Variants in ARID2 observed in about 807,000 individuals in gnomAD.
ARID2 encodes AT-rich interaction domain 2.
ARID2 carries 32 observed loss-of-function variants against 184.6 expected under a neutral mutation model. That is an observed-to-expected ratio of 0.17 (90% CI 0.13 to 0.23). The LOEUF is 0.23. Ranked by LOEUF, ARID2 falls within the 10% of genes least tolerant of loss-of-function variation. The pLI is 1.00. For missense variants in ARID2, 1,696 were observed against 2,197.6 expected (o/e 0.77, Z 4.56); for synonymous variants, 836 against 772.6 (o/e 1.08, Z -1.36).
At chr12:45,889,096 C>T (rs903815678) in intron 16 of ARID2, among the ~76,000 whole-genome samples, 2 of 152,166 alleles carry the variant, frequency 1.3e-5, no homozygotes, top group Non-Finnish European at 2.9e-5. Flanking sequence ...GCAAAAGAAA[C>T]ACTTGAACTC....
chr12:45,778,121 C>T lies in ARID2; in HGVS notation c.285-33297C>T, dbSNP rs142490546. Among the ~76,000 whole-genome samples, 1,163 of 152,144 alleles carry T rather than the reference C, an allele frequency of 7.6e-3. 20 individuals carry two copies. The highest frequency in any genetic ancestry group is 0.026 in the African/African-American group (1,089 of 41,518). On this transcript the variant is annotated intron_variant, in intron 3 of 20. Transcript: ENST00000334344. Reference sequence around the variant, plus strand: ...CTCAGGGGGGCCGGGGCAGTGGAATCGCTTGAACCCGGGAGGCAGAGTTGC... The same window carrying T: ...CTCAGGGGGGCCGGGGCAGTGGAATTGCTTGAACCCGGGAGGCAGAGTTGC...
intron 3 of ARID2, among the ~76,000 whole-genome samples, chr12:45,770,279 C>G (rs1343415607): frequency 6.6e-6 from 1 of 151,864 alleles, no homozygotes; most frequent in East Asian, 1.9e-4. Flanking sequence ...AACAAGAAGG[C>G]AAAACAAAAA....
chr12:45,781,829 C>T (rs1486367039), intron 3 of ARID2, among the ~76,000 whole-genome samples: 1 of 152,134 alleles, frequency 6.6e-6, no homozygotes, highest in African/African-American at 2.4e-5. Context: ...GTGCTCTTAG[C>T]TAAAGGAACC....
chr12:45,890,261 A>G (rs899670355), intron 16 of ARID2, among the ~76,000 whole-genome samples: 3 of 152,246 alleles, frequency 2.0e-5, no homozygotes, highest in African/African-American at 7.2e-5. Flanking sequence ...AGGAAGTGCT[A>G]TCCTTTTTCC....
rs552181768 is a variant in ARID2 at position 45,761,254 on chromosome 12, G to A, written c.284+29940G>A. On this transcript the variant is annotated intron_variant, in intron 3 of 20. Coordinates refer to ENST00000334344, the MANE Select transcript of ARID2 (RefSeq NM_152641.4). ...CTTTCTTGAAATAGGGTGATGTGAT[G>A]TTTTAATTATTTATTCTTATGAATA... Among the ~76,000 whole-genome samples, 43 of 152,270 alleles carry A rather than the reference G, an allele frequency of 2.8e-4. 1 individual carries two copies. In the South Asian group the frequency reaches 8.1e-3, roughly 29 times the overall value.
At chr12:45,772,922 GAGTAGCAGAACACTATCCAAC>G (rs1941903821) in intron 3 of ARID2, among the ~76,000 whole-genome samples, 1 of 152,126 alleles carries the variant, frequency 6.6e-6, no homozygotes, top group Admixed American at 6.5e-5. Context: ...CACTATCCAA[GAGTAGCAGAACACTATCCAAC>G]AGTAGCAGAA....
chr12:45,764,938 T>C (rs1941744621), intron 3 of ARID2, among the ~76,000 whole-genome samples: 1 of 152,238 alleles, frequency 6.6e-6, no homozygotes, highest in African/African-American at 2.4e-5. Flanking sequence ...TTTTTGAGAA[T>C]GGCTGAACTA....
intron 11 of ARID2, 80 bp downstream of exon 11, chr12:45,839,576 G>A (rs2138138265): frequency 1.3e-6 from 2 of 1,483,378 alleles, no homozygotes; most frequent in South Asian, 1.4e-5. Context: ...TCAATGTGCA[G>A]TATAGAGAAC....
intron 3 of ARID2, among the ~76,000 whole-genome samples, chr12:45,751,750 T>C (rs150481314): frequency 1.3e-5 from 2 of 152,364 alleles, no homozygotes; most frequent in African/African-American, 4.8e-5. Context: ...TGCTACATAC[T>C]GAATACTGTA....
chr12:45,739,364 G>T (rs867731885), intron 3 of ARID2, among the ~76,000 whole-genome samples: 4 of 150,512 alleles, frequency 2.7e-5, no homozygotes, highest in African/African-American at 9.8e-5. Flanking sequence ...CATGTTCCAG[G>T]TGTGCTTGGC....
chr12:45,811,787 AT>A (rs1337978482), intron 4 of ARID2, among the ~76,000 whole-genome samples: 1 of 152,136 alleles, frequency 6.6e-6, no homozygotes, highest in Non-Finnish European at 1.5e-5. Flanking sequence ...CCAAGTAATG[AT>A]TTTTCCTTAT....
chr12:45,745,816 T>C (rs1348789749), intron 3 of ARID2, among the ~76,000 whole-genome samples: 1 of 152,162 alleles, frequency 6.6e-6, no homozygotes, highest in Non-Finnish European at 1.5e-5. Flanking sequence ...CCCAAAGTGC[T>C]GGGATTACAG....
chr12:45,901,146 T>C (rs1294883538), intron 20 of ARID2, among the ~76,000 whole-genome samples: 2 of 143,204 alleles, frequency 1.4e-5, no homozygotes, highest in Admixed American at 1.5e-4. Context: ...TTTTTGGAAA[T>C]TTCCTTAATT....
intron 16 of ARID2, among the ~76,000 whole-genome samples, chr12:45,863,468 G>A (rs1408967311): frequency 6.6e-6 from 1 of 152,062 alleles, no homozygotes; most frequent in Admixed American, 6.5e-5. Flanking sequence ...AGCCTGTAAT[G>A]CCAGCTACTC....
At chr12:45,812,201 T>C (rs1055263419) in intron 4 of ARID2, among the ~76,000 whole-genome samples, 1 of 151,198 alleles carries the variant, frequency 6.6e-6, no homozygotes, top group Non-Finnish European at 1.5e-5. Flanking sequence ...CACTAACATT[T>C]GGCCTAAAAA....
In ARID2 at chr12:45,860,881, C is replaced by T; in HGVS notation, c.4854C>T (p.Ser1618=). ...NSSQPSPFSG[S]SQPGDPMRKP... ...CTCAGCCTTCTCCATTCAGTGGATC[C>T]AGTCAGCCTGGAGATCCAATGAGAA... Residue 1618 remains serine, a synonymous_variant, in exon 16 of 21, where the codon TCC becomes TCT. Transcript: ENST00000334344. 6.2e-7 allele frequency: 1 copy of T among 1,605,258 alleles called. No individual in the cohort carries two copies. Among genetic ancestry groups the T allele is most frequent in the African/African-American group, 1.3e-5 (1 of 74,658 alleles).
chr12:45,730,178 T>C (rs768197665), intron 2 of ARID2, 41 bp downstream of exon 2: 2 of 1,599,258 alleles, frequency 1.3e-6, no homozygotes, highest in Non-Finnish European at 1.7e-6. Flanking sequence ...CTCGCTGGCC[T>C]CCTCCAAAAA....
chr12:45,842,370 C>T (rs1565618187), intron 11 of ARID2: 2 of 150,994 alleles, frequency 1.3e-5, no homozygotes, highest in East Asian at 3.9e-4. Flanking sequence ...TATACACACA[C>T]ATATATAAAA....
rs149160743 is a variant in ARID2 at position 45,779,161 on chromosome 12, C to A, written c.285-32257C>A. Among the ~76,000 whole-genome samples the A allele has an allele frequency of 5.5e-3, 829 of 151,978 alleles. 7 individuals are homozygous for A. The highest frequency in any genetic ancestry group is 0.019 in the African/African-American group (791 of 41,486). ...CTTGTTCATAAATGTATTTATAAAT[C>A]TGTAAATCTTTTATCTGTGTCTGAT... On this transcript the variant is annotated intron_variant, in intron 3 of 20. Transcript: ENST00000334344.
Sources: allele counts gnomAD v4.1 joint callset (sites outside exome capture counted in the v4.1 genomes callset), GRCh38; gene constraint gnomAD v4.1.1; transcripts MANE v1.5; gene names NCBI Gene and HGNC (gene_info 2026-07-23, HGNC 2026-07-21).